The following PCLO variants were observed in gnomAD, a reference collection of about 807,000 sequenced individuals.
The protein encoded by PCLO is protein piccolo.
In PCLO, 82 loss-of-function variants were observed where a neutral mutation model predicts 427.5. The ratio of observed to expected loss-of-function variants is 0.19; its 90% confidence interval spans 0.16 to 0.23. PCLO has a LOEUF of 0.23. Among genes scored for constraint, PCLO ranks in the 10% least tolerant of loss-of-function variants. The pLI, the probability that PCLO is intolerant of heterozygous loss-of-function variation, is 1.00. For synonymous variants in PCLO, 2,357 were observed against 2,155.4 expected (o/e 1.09, Z -2.59); for missense variants, 6,239 against 6,115.9 (o/e 1.02, Z -0.67).
In PCLO at chr7:82,908,967, C is replaced by T. The variant is rs1186406622; in HGVS notation, c.13347G>A (p.Arg4449=). The T allele has an allele frequency of 1.9e-6, 3 of 1,612,792 alleles. No individual in the cohort carries two copies. The highest frequency in any genetic ancestry group is 1.1e-5 in the South Asian group (1 of 91,052). Residue 4449 remains arginine (R), a synonymous_variant, in exon 8 of 25, where the codon AGG becomes AGA. Coordinates refer to ENST00000333891, the MANE Select transcript of PCLO (RefSeq NM_033026.6). ...REETDWFDKP[R]ESRLENGHGL... Reference sequence around the variant, plus strand: ...CATGTCCATTTTCCAAACGAGACTCCCTGGGTTTATCAAACCAATCTGTTT... The same window carrying T: ...CATGTCCATTTTCCAAACGAGACTCTCTGGGTTTATCAAACCAATCTGTTT...
At chr7:83,059,381 A>ATATATATATATATATATATATATATATAT (rs757350399) in intron 3 of PCLO, among the ~76,000 whole-genome samples, 90 of 95,814 alleles carry the variant, frequency 9.4e-4, no homozygotes, top group Non-Finnish European at 1.6e-3. Context: ...TATATATATA[A>ATATATATATATATATATATATATATATAT]AAATGAAAAA....
Position 82,915,003 on chromosome 7 carries a change from A to C in PCLO, c.12983T>G (p.Phe4328Cys). The change falls in exon 7 of 25, where the codon TTT becomes TGT. Residue 4328 changes from phenylalanine (F) to cysteine (C), a missense_variant. Around this residue, in one of 5 missense-constraint regions of PCLO, gnomAD observed 680 missense variants for 677.3 expected, o/e 1.00. Transcript: ENST00000333891. ...TCTGGCAGAGGATGATGCATGACTA[A>C]AGGAAACATCTAGAGCTTCAGCCTC... ...AQEAEALDVSFSHASSSARTK... is the reference protein window; with the variant it reads ...AQEAEALDVSCSHASSSARTK... 6.2e-7 allele frequency: 1 copy of C among 1,613,688 alleles called. No homozygotes were observed. The highest frequency in any genetic ancestry group is 8.5e-7 in the Non-Finnish European group (1 of 1,179,738).
intron 10 of PCLO, among the ~76,000 whole-genome samples, chr7:82,848,194 G>C (rs962637148): frequency 4.6e-5 from 7 of 151,604 alleles, no homozygotes; most frequent in African/African-American, 1.7e-4. Context: ...TGTGAACTGG[G>C]TACAGTAGAT....
In PCLO at chr7:82,949,340, T is replaced by A. The variant is rs1310097751; in HGVS notation, c.11112+136A>T. On this transcript the variant is annotated intron_variant, in intron 6 of 24. Coordinates refer to ENST00000333891, the MANE Select transcript of PCLO (RefSeq NM_033026.6). ...ACATATACACATATATAGTGTAAAT[T>A]TCTAAGGCAATAATCTTCACCCTAA... 4.4e-6 allele frequency: 3 copies of A among 682,628 alleles called. No homozygotes were observed. The South Asian group carries it at 5.5e-5, about 13-fold the overall frequency. The allele number at this position is 682,628 out of a possible 1,614,324, so 42.3% of individuals were successfully genotyped here.
intron 2 of PCLO, among the ~76,000 whole-genome samples, chr7:83,150,745 T>C (rs1792108045): frequency 6.6e-6 from 1 of 152,138 alleles, no homozygotes; most frequent in South Asian, 2.1e-4. Context: ...TTTTAAGGAA[T>C]GTTAAGTGTA....
At chr7:83,057,174 C>G (rs1789401343) in intron 3 of PCLO, among the ~76,000 whole-genome samples, 1 of 148,916 alleles carries the variant, frequency 6.7e-6, no homozygotes, top group South Asian at 2.1e-4. Context: ...ACCTCCGCCT[C>G]CCGGGTTCAA....
In PCLO at chr7:82,879,099, T is replaced by C. The variant is rs537333868; in HGVS notation, c.13654+238A>G. 5.9e-5 allele frequency among the ~76,000 whole-genome samples: 9 copies of C among 152,286 alleles called. No homozygotes were observed. In the South Asian group the frequency reaches 1.9e-3, roughly 32 times the overall value. ...CAGTCAGTAAAAAAGTTTTGACTAG[T>C]GTTTCTTAAACAAGATACTTCTGTA... On this transcript the variant is annotated intron_variant, in intron 10 of 24. Transcript: ENST00000333891.
rs1279385528 is a variant in PCLO, at chr7:82,955,220, T to C, written c.5733A>G (p.Leu1911=). 1.2e-6 allele frequency: 2 copies of C among 1,613,740 alleles called. No individual in the cohort carries two copies. The highest frequency in any genetic ancestry group is 2.2e-5 in the East Asian group (1 of 44,872). ...CTTCATACATCTCCTCAGCACTTTT[T>C]AACGCCTTTTGGCTACCTTCTTTCT... ...IMQKEGSQKA[L]KSAEEMYEEM... is the part of the protein sequence containing the mutation. The change falls in exon 5 of 25, where the codon TTA becomes TTG. Residue 1911 remains leucine, a synonymous_variant. Coordinates refer to ENST00000333891, the MANE Select transcript of PCLO (RefSeq NM_033026.6).
chr7:82,900,412 A>C (rs1283568608), intron 9 of PCLO, among the ~76,000 whole-genome samples: 1 of 151,784 alleles, frequency 6.6e-6, no homozygotes, highest in Non-Finnish European at 1.5e-5. Flanking sequence ...TTAAATATAT[A>C]TTTGAATATT....
chr7:82,874,919 T>G (rs2116014909), intron 10 of PCLO, among the ~76,000 whole-genome samples: 1 of 152,242 alleles, frequency 6.6e-6, no homozygotes, highest in South Asian at 2.1e-4. Context: ...CTCAACACTG[T>G]TGGTCAAAAA....
intron 3 of PCLO, among the ~76,000 whole-genome samples, chr7:83,023,107 T>C (rs1411297596): frequency 6.6e-6 from 1 of 152,206 alleles, no homozygotes; most frequent in Non-Finnish European, 1.5e-5. Flanking sequence ...ACTAGCTATT[T>C]TGACCTGCAA....
chr7:82,844,630 T>G (rs1792452851), intron 13 of PCLO, among the ~76,000 whole-genome samples: 1 of 152,178 alleles, frequency 6.6e-6, no homozygotes, highest in Non-Finnish European at 1.5e-5. Context: ...GGATAGTTTT[T>G]CTTAAGAATC....
intron 7 of PCLO, among the ~76,000 whole-genome samples, chr7:82,913,011 T>A (rs559363386): frequency 6.6e-6 from 1 of 152,154 alleles, no homozygotes; most frequent in African/African-American, 2.4e-5. Flanking sequence ...TTTCTATCTA[T>A]AAAATGTTTA....
intron 3 of PCLO, among the ~76,000 whole-genome samples, chr7:83,126,741 G>A (rs928328591): frequency 1.3e-5 from 2 of 151,788 alleles, no homozygotes; most frequent in African/African-American, 4.8e-5. Flanking sequence ...GTATAAAAAG[G>A]AAATTTTTAA....
chr7:82,929,918 T>C (rs1237599788), intron 6 of PCLO, among the ~76,000 whole-genome samples: 1 of 152,172 alleles, frequency 6.6e-6, no homozygotes, highest in African/African-American at 2.4e-5. Context: ...TTTGGTACCA[T>C]GTTCTAAGCT....
At chr7:83,038,023 A>T (rs868418024) in intron 3 of PCLO, among the ~76,000 whole-genome samples, 13 of 52,806 alleles carry the variant, frequency 2.5e-4, no homozygotes, top group African/African-American at 7.1e-4. Flanking sequence ...ATATATATAT[A>T]TATATATTTA....
At chr7:82,924,839 T>C (rs1290004737) in intron 6 of PCLO, among the ~76,000 whole-genome samples, 1 of 152,048 alleles carries the variant, frequency 6.6e-6, no homozygotes, top group East Asian at 1.9e-4. Flanking sequence ...AAAAATTTGA[T>C]AGCTTAAAAA....
Position 82,950,856 on chromosome 7 carries a change from C to A in PCLO, c.9732G>T (p.Arg3244Ser), listed in dbSNP as rs1795325035. ...CCATGATCTTTTCTTGTTCTCGGAA[C>A]CTTTGAATTTCCTGACGTTCCCACT... Reference protein sequence around the residue: ...ELEWERQEIQRFREQEKIMVQ... With the variant: ...ELEWERQEIQSFREQEKIMVQ... The change falls in exon 6 of 25, where the codon AGG (arginine) becomes AGT (serine). Residue 3244 changes from arginine (R) to serine (S), a missense_variant. Coordinates refer to ENST00000333891, the MANE Select transcript of PCLO (RefSeq NM_033026.6). The A allele has an allele frequency of 7.4e-6, 12 of 1,613,600 alleles. No individual in the cohort carries two copies. Among genetic ancestry groups the A allele is most frequent in the Non-Finnish European group, 1.0e-5 (12 of 1,179,866 alleles).
chr7:82,904,449 T>A (rs1205254897), intron 8 of PCLO, among the ~76,000 whole-genome samples: 1 of 152,152 alleles, frequency 6.6e-6, no homozygotes, highest in Admixed American at 6.6e-5. Flanking sequence ...TCATATGCAT[T>A]GAAAATTTTG....
Sources: allele counts gnomAD v4.1 joint callset (sites outside exome capture counted in the v4.1 genomes callset), GRCh38; gene constraint gnomAD v4.1.1; regional missense constraint gnomAD v4.1.1; transcripts MANE v1.5; gene names NCBI Gene and HGNC (gene_info 2026-07-23, HGNC 2026-07-21).